CUL3: variants seen among roughly 807,000 people sequenced by gnomAD.
The protein encoded by CUL3 is cullin 3, also known as cullin-3.
CUL3 carries 19 observed loss-of-function variants against 89.1 expected under a neutral mutation model. The ratio of observed to expected loss-of-function variants is 0.21; its 90% CI spans 0.15 to 0.31. CUL3 has a LOEUF of 0.31. Among genes scored for constraint, CUL3 ranks in the 10% least tolerant of loss-of-function variants. CUL3 has a pLI of 1.00. For missense variants in CUL3, 469 were observed against 942.3 expected, an observed-to-expected ratio of 0.50 and a Z score of 6.58; for synonymous variants, 351 against 308.4, an observed-to-expected ratio of 1.14 and a Z score of -1.45.
intron 5 of CUL3, among the ~76,000 whole-genome samples, chr2:224,511,958 T>G (rs1403687744): frequency 6.6e-6 from 1 of 152,214 alleles, no homozygotes; most frequent in Non-Finnish European, 1.5e-5. Context: ...ACCAGAAAGA[T>G]TCATCATGTT....
intron 1 of CUL3, among the ~76,000 whole-genome samples, chr2:224,568,072 T>A (rs1695089868): frequency 6.6e-6 from 1 of 152,170 alleles, no homozygotes; most frequent in Non-Finnish European, 1.5e-5. Context: ...CTGCTTTTGG[T>A]CCTCCTTTGC....
chr2:224,528,989 T>C lies in CUL3; in HGVS notation c.378+6539A>G, dbSNP rs530170199. On this transcript the variant is annotated intron_variant, in intron 3 of 15. Transcript: ENST00000264414. ...AAGTTTTGCACAGCAATTCTTCTATTAGCCTTCTTAACAGAAGATCAAGAT... is the reference window on the plus strand; with the variant it reads ...AAGTTTTGCACAGCAATTCTTCTATCAGCCTTCTTAACAGAAGATCAAGAT... Among the ~76,000 whole-genome samples, 91 of 152,322 alleles carry C rather than the reference T, an allele frequency of 6.0e-4. 2 individuals carry two copies. The highest frequency in any genetic ancestry group is 2.0e-3 in the African/African-American group (85 of 41,586).
At chr2:224,486,810 T>C (rs937883492) in intron 13 of CUL3, among the ~76,000 whole-genome samples, 1 of 151,962 alleles carries the variant, frequency 6.6e-6, no homozygotes, top group Non-Finnish European at 1.5e-5. Flanking sequence ...CCAAGACACA[T>C]AATCATCAGA....
At position 224,549,862 on chromosome 2, in the gene CUL3, GCACA is replaced by G. The variant is rs138838580; in HGVS notation, c.264+7793_264+7796del. ...GACTTACATATACACATATATGCGT[GCACA>G]CACACACACACGCACACACACACAC... On this transcript the variant is annotated intron_variant, in intron 2 of 15. Transcript: ENST00000264414. Among the ~76,000 whole-genome samples the G allele has an allele frequency of 6.6e-5, 10 of 150,586 alleles. No homozygotes were observed. The Middle Eastern group carries it at 0.01, about 155-fold the overall frequency.
intron 2 of CUL3, among the ~76,000 whole-genome samples, chr2:224,542,496 TG>T (rs1694147465): frequency 2.0e-5 from 1 of 49,562 alleles, no homozygotes; most frequent in Non-Finnish European, 3.5e-5. Context: ...TCTGGCTTTT[TG>T]TGTGTGTGTG....
intron 2 of CUL3, among the ~76,000 whole-genome samples, chr2:224,538,259 C>G (rs1310594452): frequency 6.6e-6 from 1 of 152,134 alleles, no homozygotes; most frequent in Non-Finnish European, 1.5e-5. Context: ...AATTTTTCCT[C>G]CAACATTTCT....
chr2:224,531,458 ACT>A (rs1574663428), intron 3 of CUL3, among the ~76,000 whole-genome samples: 2 of 151,996 alleles, frequency 1.3e-5, no homozygotes, highest in South Asian at 2.1e-4. Flanking sequence ...ATACAATATA[ACT>A]CTGCACCAAC....
chr2:224,524,713 AT>A lies in CUL3; in HGVS notation c.379-9942del, dbSNP rs759503898. Among the ~76,000 whole-genome samples, 15 of 152,150 alleles carry A rather than the reference AT, an allele frequency of 9.9e-5. 1 individual carries two copies. The highest frequency in any genetic ancestry group is 1.8e-4 in the Non-Finnish European group (12 of 68,016). On this transcript the variant is annotated intron_variant, in intron 3 of 15. Coordinates refer to ENST00000264414, the MANE Select transcript of CUL3 (RefSeq NM_003590.5). ...TAAATTTACTTTGGAGGAAGGTATC[AT>A]GCAGGGCCTCCACAATTTTTCACAA... is the stretch of plus-strand genomic sequence containing the variant.
intron 2 of CUL3, among the ~76,000 whole-genome samples, chr2:224,556,791 C>G (rs1395984999): frequency 1.3e-5 from 2 of 152,066 alleles, no homozygotes; most frequent in African/African-American, 4.8e-5. Flanking sequence ...AACTTACTCT[C>G]TAATGGTTCA....
At chr2:224,501,936 T>C (rs939540455) in intron 10 of CUL3, among the ~76,000 whole-genome samples, 3 of 152,230 alleles carry the variant, frequency 2.0e-5, no homozygotes, top group Admixed American at 2.0e-4. Flanking sequence ...TAGATTTAAC[T>C]ATAAATTCCT....
chr2:224,484,767 A>T (rs921740078), intron 13 of CUL3, among the ~76,000 whole-genome samples: 1 of 152,206 alleles, frequency 6.6e-6, no homozygotes, highest in East Asian at 1.9e-4. Context: ...AGGTCTTAAT[A>T]CTACCCTCTT....
chr2:224,573,872 A>C (rs952824572), intron 1 of CUL3, among the ~76,000 whole-genome samples: 7 of 152,352 alleles, frequency 4.6e-5, no homozygotes, highest in African/African-American at 1.7e-4. Context: ...TAATTAGTTA[A>C]AAGTATCTAA....
intron 1 of CUL3, among the ~76,000 whole-genome samples, chr2:224,566,507 G>A (rs568622764): frequency 6.6e-6 from 1 of 152,244 alleles, no homozygotes; most frequent in Admixed American, 6.5e-5. Flanking sequence ...CTTTTTTCCA[G>A]AATAGGGCAC....
intron 3 of CUL3, among the ~76,000 whole-genome samples, chr2:224,532,013 GA>G (rs1403577734): frequency 6.6e-6 from 1 of 151,950 alleles, no homozygotes; most frequent in Non-Finnish European, 1.5e-5. Flanking sequence ...GATGTAGGGA[GA>G]AAAAAAGAAC....
intron 5 of CUL3, among the ~76,000 whole-genome samples, chr2:224,512,472 C>T (rs544522910): frequency 7.9e-5 from 12 of 152,186 alleles, no homozygotes; most frequent in Non-Finnish European, 1.6e-4. Context: ...CAGGTAGTTA[C>T]GGTTTTCAGG....
chr2:224,476,878 A>G (rs1254593178), intron 15 of CUL3, among the ~76,000 whole-genome samples: 1 of 152,138 alleles, frequency 6.6e-6, no homozygotes, highest in Non-Finnish European at 1.5e-5. Flanking sequence ...ATCCTCTAAT[A>G]CTACTCTCTC....
rs757353434 is a variant in CUL3 at position 224,497,775 on chromosome 2, G to A, written c.1685C>T (p.Thr562Ile). The A allele has an allele frequency of 1.2e-6, 2 of 1,613,646 alleles. No individual in the cohort carries two copies. Among genetic ancestry groups the A allele is most frequent in the Non-Finnish European group, 1.7e-6 (2 of 1,179,620 alleles). The part of the protein sequence containing the change: ...HHMGSADLNA[T>I]FYGPVKKEDG... Reference sequence around the variant, plus strand: ...TACCTTTTTAACTGGTCCATAAAATGTGGCATTGAGATCTGCAGAACCCAT... The same window carrying A: ...TACCTTTTTAACTGGTCCATAAAATATGGCATTGAGATCTGCAGAACCCAT... Residue 562 changes from threonine (T) to isoleucine (I), a missense_variant, in exon 12 of 16, where the codon ACA becomes ATA. Physicochemically the swap from Thr to Ile is moderately conservative, Grantham distance 89 (BLOSUM62 -1). Transcript: ENST00000264414.
intron 7 of CUL3, 78 bp downstream of exon 7, chr2:224,506,780 G>T: frequency 8.1e-7 from 1 of 1,230,982 alleles, no homozygotes; most frequent in Non-Finnish European, 1.2e-6. Flanking sequence ...ACAATACACA[G>T]CATGGTAAAA....
intron 3 of CUL3, among the ~76,000 whole-genome samples, chr2:224,531,913 G>A (rs1274129742): frequency 1.3e-5 from 2 of 152,132 alleles, no homozygotes; most frequent in African/African-American, 2.4e-5. Context: ...TGTAAGACTA[G>A]CAACACTGAA....
Sources: gnomAD v4.1 joint callset for allele counts (sites outside exome capture counted in the v4.1 genomes callset) on GRCh38, gnomAD v4.1.1 for gene constraint, MANE v1.5 for transcripts, NCBI Gene and HGNC (gene_info 2026-07-23, HGNC 2026-07-21) for gene names.